GINS4: variants seen among roughly 807,000 people sequenced by gnomAD.
GINS4 encodes the protein GINS complex subunit 4.
GINS4 carries 20 observed loss-of-function variants against 31.1 expected under a neutral mutation model. That is an observed-to-expected ratio of 0.64 (90% CI 0.45 to 0.93). The LOEUF is 0.93. GINS4 is among the 40% of genes least tolerant of loss of function. GINS4 has a pLI of 0.00. For synonymous variants in GINS4, 85 were observed against 97.9 expected (o/e 0.87, Z 0.78); for missense variants, 245 against 273.9 (o/e 0.89, Z 0.75).
rs1806810496 is a variant in GINS4, at chr8:41,540,021, C to T, written c.484+17C>T. Reference sequence around the variant, plus strand: ...TTCGGGCAGGTAAACAGGACGTTCTCCCTGCAGGTGGCCCACCCATCCTCA... The same window carrying T: ...TTCGGGCAGGTAAACAGGACGTTCTTCCTGCAGGTGGCCCACCCATCCTCA... On this transcript the variant is annotated intron_variant, in intron 6 of 7. Transcript: ENST00000276533. The T allele has an allele frequency of 6.3e-7, 1 of 1,581,882 alleles. No individual in the cohort carries two copies. The highest frequency in any genetic ancestry group is 8.7e-7 in the Non-Finnish European group (1 of 1,150,630).
rs1365850147 is a variant in GINS4, at chr8:41,540,296, C to T, written c.484+292C>T. On this transcript the variant is annotated intron_variant, in intron 6 of 7. Coordinates refer to ENST00000276533, the MANE Select transcript of GINS4 (RefSeq NM_032336.3). Reference sequence around the variant, plus strand: ...CCTTCAGTAGCCATCTGCTGAGCCTCTGTGAGGTGCTGGCAGCCCCGAGTA... The same window carrying T: ...CCTTCAGTAGCCATCTGCTGAGCCTTTGTGAGGTGCTGGCAGCCCCGAGTA... The T allele has an allele frequency of 6.7e-6, 3 of 450,006 alleles. No homozygotes were observed. In the East Asian group the frequency reaches 1.4e-4, roughly 21 times the overall value. 27.9% of individuals were successfully genotyped at this position (450,006 alleles called of 1,614,324 possible).
intron 2 of GINS4, among the ~76,000 whole-genome samples, chr8:41,531,518 T>C (rs1806647751): frequency 6.6e-6 from 1 of 152,202 alleles, no homozygotes; most frequent in Non-Finnish European, 1.5e-5. Flanking sequence ...ATATCACGAA[T>C]GACAAAACGG....
chr8:41,534,874 C>T (rs768109952), intron 2 of GINS4, among the ~76,000 whole-genome samples: 27 of 152,054 alleles, frequency 1.8e-4, no homozygotes, highest in South Asian at 6.2e-4. Flanking sequence ...GGACTACAGG[C>T]GTGCCACGCC....
chr8:41,537,359 G>C, intron 4 of GINS4, 66 bp downstream of exon 4: 2 of 1,197,260 alleles, frequency 1.7e-6, no homozygotes, highest in Non-Finnish European at 2.4e-6. Context: ...GAATGTCCTG[G>C]GGAAAACTTG....
intron 1 of GINS4, 104 bp from the exon 2 acceptor site, chr8:41,530,080 C>T: frequency 1.4e-6 from 1 of 710,128 alleles, no homozygotes; most frequent in African/African-American, 1.8e-5. Context: ...GCCTCTACAA[C>T]CCCAGGAAAC....
chr8:41,539,554 C>A, intron 4 of GINS4, 124 bp from the exon 5 acceptor site: 1 of 724,168 alleles, frequency 1.4e-6, no homozygotes, highest in Non-Finnish European at 2.5e-6. Flanking sequence ...TCCACCCACC[C>A]TATCCCACCT....
intron 3 of GINS4, 56 bp from the exon 4 acceptor site, chr8:41,537,124 C>A: frequency 8.9e-7 from 1 of 1,123,566 alleles, no homozygotes; most frequent in Non-Finnish European, 1.3e-6. Context: ...TCAACGTTGC[C>A]GGTGATGATG....
chr8:41,529,964 T>C (rs1806625701), intron 1 of GINS4: 2 of 482,640 alleles, frequency 4.1e-6, no homozygotes, highest in South Asian at 5.2e-5. Context: ...TGGACAGAAG[T>C]AAGGGGGAGG....
rs1806874369 is a variant in GINS4 at position 41,543,178 on chromosome 8, A to G, written c.*1091A>G. 1 of 152,246 alleles carries G rather than the reference A, an allele frequency of 6.6e-6. No individual in the cohort carries two copies. Among genetic ancestry groups the G allele is most frequent in the Non-Finnish European group, 1.5e-5 (1 of 68,048 alleles). 9.4% of individuals were successfully genotyped at this position (152,246 alleles called of 1,614,324 possible). On this transcript the variant is annotated 3_prime_UTR_variant, in exon 8 of 8. Coordinates refer to ENST00000276533, the MANE Select transcript of GINS4 (RefSeq NM_032336.3). ...ACCTCTAATATTGGACTTAAAACCA[A>G]TTTCTGTCGTGCTTAATTGAAAATC...
chr8:41,543,949 C>A lies in GINS4; in HGVS notation c.*1862C>A, dbSNP rs1428319163. ...CTCGAGCTCCTGACCCCAGGTGATC[C>A]ACCCACCTCGGCCTCCCAAAGTGCT... On this transcript the variant is annotated 3_prime_UTR_variant, in exon 8 of 8. Coordinates refer to ENST00000276533, the MANE Select transcript of GINS4 (RefSeq NM_032336.3). The A allele has an allele frequency of 6.6e-6, 1 of 152,244 alleles. No homozygotes were observed. The highest frequency in any genetic ancestry group is 1.5e-5 in the Non-Finnish European group (1 of 68,086). 9.4% of individuals were successfully genotyped at this position (152,244 alleles called of 1,614,324 possible). A position where few individuals can be genotyped will look rare whatever the true frequency, so the allele number is the denominator to read the frequency against.
rs1295622763 is a variant in GINS4, at chr8:41,543,278, A to C, written c.*1191A>C. The C allele has an allele frequency of 6.6e-6, 1 of 152,206 alleles. No homozygotes were observed. Among genetic ancestry groups the C allele is most frequent in the Non-Finnish European group, 1.5e-5 (1 of 68,034 alleles). The allele number at this position is 152,206 out of a possible 1,614,324, so 9.4% of individuals were successfully genotyped here. ...CACCTCTGGACGGCTCCCGGCTTGT[A>C]GTTTAATGAAGTATGTGCTCCCTGC... On this transcript the variant is annotated 3_prime_UTR_variant, in exon 8 of 8. Transcript: ENST00000276533.
At chr8:41,530,110 C>T in intron 1 of GINS4, 74 bp from the exon 2 acceptor site, 1 of 977,772 alleles carries the variant, frequency 1.0e-6, no homozygotes. Context: ...CCTTTCCTTT[C>T]TCCAGATAGA....
At chr8:41,541,366 G>A (rs1475863936) in intron 6 of GINS4, among the ~76,000 whole-genome samples, 1 of 152,166 alleles carries the variant, frequency 6.6e-6, no homozygotes, top group Non-Finnish European at 1.5e-5. Flanking sequence ...AAGCCACTGT[G>A]CCTGGCCTAT....
At chr8:41,531,422 C>T (rs1268872576) in intron 2 of GINS4, among the ~76,000 whole-genome samples, 2 of 152,162 alleles carry the variant, frequency 1.3e-5, no homozygotes, top group Non-Finnish European at 2.9e-5. Context: ...TAGTAAGTAT[C>T]CTTATCCTCT....
chr8:41,530,161 A>G, intron 1 of GINS4, 23 bp from the exon 2 acceptor site: 1 of 1,362,634 alleles, frequency 7.3e-7, no homozygotes, highest in South Asian at 1.2e-5. Context: ...ATTGCAGAGT[A>G]TTGGTTCTTT....
At chr8:41,536,116 C>G (rs557013217) in intron 2 of GINS4, among the ~76,000 whole-genome samples, 28 of 152,146 alleles carry the variant, frequency 1.8e-4, no homozygotes, top group Non-Finnish European at 2.4e-4. Context: ...CTGAAGTAAG[C>G]AAGGGTTTGT....
At chr8:41,531,339 A>T (rs1486983261) in intron 2 of GINS4, among the ~76,000 whole-genome samples, 2 of 152,186 alleles carry the variant, frequency 1.3e-5, no homozygotes, top group Non-Finnish European at 2.9e-5. Context: ...TTTTGATTAA[A>T]TGTGGTAATT....
chr8:41,543,279 G>C lies in GINS4; in HGVS notation c.*1192G>C, dbSNP rs1025610412. ...ACCTCTGGACGGCTCCCGGCTTGTAGTTTAATGAAGTATGTGCTCCCTGCT... is the reference window on the plus strand; with the variant it reads ...ACCTCTGGACGGCTCCCGGCTTGTACTTTAATGAAGTATGTGCTCCCTGCT... On this transcript the variant is annotated 3_prime_UTR_variant, in exon 8 of 8. Transcript: ENST00000276533. The C allele has an allele frequency of 6.6e-6, 1 of 152,202 alleles. No individual in the cohort carries two copies. The highest frequency in any genetic ancestry group is 1.9e-4 in the East Asian group (1 of 5,202). 9.4% of individuals were successfully genotyped at this position (152,202 alleles called of 1,614,324 possible). A position where few individuals can be genotyped will look rare whatever the true frequency, so the allele number is the denominator to read the frequency against.
At chr8:41,532,057 A>T (rs1236768164) in intron 2 of GINS4, among the ~76,000 whole-genome samples, 1 of 152,190 alleles carries the variant, frequency 6.6e-6, no homozygotes, top group Non-Finnish European at 1.5e-5. Context: ...TGCCTGCCTT[A>T]GCCTCCCAAA....
Sources: allele counts gnomAD v4.1 joint callset (sites outside exome capture counted in the v4.1 genomes callset), GRCh38; gene constraint gnomAD v4.1.1; transcripts MANE v1.5; gene names NCBI Gene and HGNC (gene_info 2026-07-23, HGNC 2026-07-21).